The following PCSK2 variants were observed in gnomAD, a reference collection of about 807,000 sequenced individuals.
The protein encoded by PCSK2 is neuroendocrine convertase 2.
Under a neutral mutation model 69.7 loss-of-function variants are expected in PCSK2, and 14 were observed. The ratio of observed to expected loss-of-function variants is 0.20; its 90% CI spans 0.13 to 0.31. The LOEUF (loss-of-function observed/expected upper bound fraction) is 0.31. Ranked by LOEUF, PCSK2 falls within the 10% of genes least tolerant of loss-of-function variation. The probability of loss-of-function intolerance (pLI) is 1.00; values close to 1 mark genes in which losing one functional copy is unlikely to be tolerated. For missense variants in PCSK2, 544 were observed against 842.5 expected, an observed-to-expected ratio of 0.65 and a Z score of 4.39; for synonymous variants, 307 against 320.7, an observed-to-expected ratio of 0.96 and a Z score of 0.46.
At chr20:17,421,807 TAAA>T (rs56376793) in intron 6 of PCSK2, among the ~76,000 whole-genome samples, 7 of 78,964 alleles carry the variant, frequency 8.9e-5, no homozygotes, top group African/African-American at 3.0e-4. Flanking sequence ...GGAAGAGAGG[TAAA>T]AAAAAAAAAA....
chr20:17,334,483 T>C (rs1990292295), intron 2 of PCSK2, among the ~76,000 whole-genome samples: 1 of 152,154 alleles, frequency 6.6e-6, no homozygotes, highest in Admixed American at 6.5e-5. Context: ...GTGGTGCTTC[T>C]CTCTCAGTGT....
intron 2 of PCSK2, among the ~76,000 whole-genome samples, chr20:17,306,983 C>G (rs992359436): frequency 3.9e-5 from 6 of 152,156 alleles, no homozygotes; most frequent in African/African-American, 1.2e-4. Context: ...TTGGCTCATT[C>G]ATTCGTTCTA....
rs551203539 is a variant in PCSK2, at chr20:17,409,732, G to T, written c.620+393G>T. ...TGTGTTTTTGAAAAGCATTCTGTAC[G>T]CTTTCTGCTATAACCCCATAACAGC... is the stretch of plus-strand genomic sequence containing the variant. On this transcript the variant is annotated intron_variant, in intron 6 of 11. Transcript: ENST00000262545. Among the ~76,000 whole-genome samples, 4 of 152,220 alleles carry T rather than the reference G, an allele frequency of 2.6e-5. No homozygotes were observed. The East Asian group carries it at 7.7e-4, about 29-fold the overall frequency.
At chr20:17,320,984 T>C (rs1192626368) in intron 2 of PCSK2, among the ~76,000 whole-genome samples, 1 of 152,192 alleles carries the variant, frequency 6.6e-6, no homozygotes, top group African/African-American at 2.4e-5. Flanking sequence ...AAGCAAAATG[T>C]TAGGCATCAA....
Position 17,227,095 on chromosome 20 carries a change from G to T in PCSK2, c.-211G>T. 3.6e-6 allele frequency: 2 copies of T among 548,810 alleles called. No individual in the cohort carries two copies. The highest frequency in any genetic ancestry group is 6.4e-6 in the Non-Finnish European group (2 of 310,622). The allele number at this position is 548,810 out of a possible 1,614,324, so 34.0% of individuals were successfully genotyped here. A position where few individuals can be genotyped will look rare whatever the true frequency, so the allele number is the denominator to read the frequency against. ...ACATTCGCACCCCTGCCCGCGCGCC[G>T]GGCCGCCTGACTGCACGGCTTCCCC... On this transcript the variant is annotated 5_prime_UTR_variant, in exon 1 of 12. Transcript: ENST00000262545.
intron 2 of PCSK2, among the ~76,000 whole-genome samples, chr20:17,285,982 T>C (rs887612855): frequency 6.6e-6 from 1 of 152,244 alleles, no homozygotes; most frequent in Admixed American, 6.5e-5. Context: ...TTTAGCTTTT[T>C]TCAGTTAAAT....
At chr20:17,479,466 C>A in intron 11 of PCSK2, 1 of 512,550 alleles carries the variant, frequency 2.0e-6, no homozygotes, top group South Asian at 2.0e-5. Context: ...CGGAGCTACG[C>A]CTGTGCCTGG....
At chr20:17,374,936 C>T (rs1433358881) in intron 5 of PCSK2, among the ~76,000 whole-genome samples, 1 of 152,152 alleles carries the variant, frequency 6.6e-6, no homozygotes, top group Admixed American at 6.5e-5. Flanking sequence ...TGACAGTTGG[C>T]AGTAGTGGAA....
In PCSK2 at chr20:17,358,485, C is replaced by T. The variant is rs749046205; in HGVS notation, c.396+45C>T. On this transcript the variant is annotated intron_variant, in intron 3 of 11. Coordinates refer to ENST00000262545, the MANE Select transcript of PCSK2 (RefSeq NM_002594.5). ...TTTGGACATTTCCCATCTTGAGACT[C>T]TGGATAAAAGATGAATTCCTGTATC... 102 of 1,057,818 alleles carry T rather than the reference C, an allele frequency of 9.6e-5. No homozygotes were observed. The Middle Eastern group carries it at 9.9e-4, about 10-fold the overall frequency. 65.5% of individuals were successfully genotyped at this position (1,057,818 alleles called of 1,614,324 possible). A position where few individuals can be genotyped will look rare whatever the true frequency, so the allele number is the denominator to read the frequency against.
At chr20:17,446,353 C>T (rs1038479564) in intron 8 of PCSK2, among the ~76,000 whole-genome samples, 3 of 152,172 alleles carry the variant, frequency 2.0e-5, no homozygotes, top group African/African-American at 4.8e-5. Context: ...TACCCTACTC[C>T]CGCTGAACTA....
intron 2 of PCSK2, among the ~76,000 whole-genome samples, chr20:17,321,654 C>G (rs1412114519): frequency 1.3e-5 from 2 of 152,176 alleles, no homozygotes; most frequent in East Asian, 1.9e-4. Context: ...ATTTACATAA[C>G]AGTAGTTGAT....
At chr20:17,438,136 G>A (rs533552099) in intron 8 of PCSK2, among the ~76,000 whole-genome samples, 8 of 152,298 alleles carry the variant, frequency 5.3e-5, no homozygotes, top group African/African-American at 1.9e-4. Context: ...GTGGCTTTTG[G>A]AACTCCATTT....
At chr20:17,404,903 C>T (rs2031720332) in intron 5 of PCSK2, among the ~76,000 whole-genome samples, 2 of 152,230 alleles carry the variant, frequency 1.3e-5, no homozygotes, top group Non-Finnish European at 2.9e-5. Context: ...AAAGCAGCGA[C>T]TGGCAATTCA....
At chr20:17,389,532 A>C (rs1367133412) in intron 5 of PCSK2, among the ~76,000 whole-genome samples, 2 of 152,024 alleles carry the variant, frequency 1.3e-5, no homozygotes, top group Non-Finnish European at 2.9e-5. Flanking sequence ...AAAGGGTGTG[A>C]ACAGATGCTC....
chr20:17,458,504 G>A (rs946685910), intron 10 of PCSK2, among the ~76,000 whole-genome samples: 1 of 152,124 alleles, frequency 6.6e-6, no homozygotes, highest in South Asian at 2.1e-4. Context: ...TAGGCAAAGC[G>A]GCTCCAATAG....
At chr20:17,278,108 T>C (rs776938002) in intron 2 of PCSK2, among the ~76,000 whole-genome samples, 1 of 152,172 alleles carries the variant, frequency 6.6e-6, no homozygotes, top group Non-Finnish European at 1.5e-5. Flanking sequence ...AGGAACACTT[T>C]TACACAGTTC....
intron 2 of PCSK2, among the ~76,000 whole-genome samples, 196 bp from the exon 3 acceptor site, chr20:17,358,131 C>CT (rs968734863): frequency 1.1e-5 from 1 of 92,960 alleles, no homozygotes; most frequent in Admixed American, 1.5e-4. Context: ...CATAGCGAGA[C>CT]CCCCCCTAAT....
At chr20:17,443,045 A>G (rs2032629425) in intron 8 of PCSK2, among the ~76,000 whole-genome samples, 1 of 152,216 alleles carries the variant, frequency 6.6e-6, no homozygotes, top group Non-Finnish European at 1.5e-5. Flanking sequence ...ACTGTGGAGG[A>G]CAACTTTTCT....
intron 5 of PCSK2, among the ~76,000 whole-genome samples, chr20:17,385,317 A>G (rs1568628008): frequency 6.6e-6 from 1 of 152,246 alleles, no homozygotes; most frequent in Non-Finnish European, 1.5e-5. Context: ...AGCACCTTCT[A>G]GCAGTGTGAC....
Sources: gnomAD v4.1 joint callset for allele counts (sites outside exome capture counted in the v4.1 genomes callset) on GRCh38, gnomAD v4.1.1 for gene constraint, MANE v1.5 for transcripts, NCBI Gene and HGNC (gene_info 2026-07-23, HGNC 2026-07-21) for gene names.